DIDO1: variants seen among roughly 807,000 people sequenced by gnomAD.
DIDO1 encodes death-inducer obliterator 1.
A neutral mutation model predicts 99.4 loss-of-function variants in DIDO1; 16 were observed. The observed-to-expected ratio is 0.16, with a 90% CI of 0.11 to 0.24. The LOEUF (loss-of-function observed/expected upper bound fraction) is 0.24, where lower values mean the gene tolerates loss of function less well. DIDO1 is among the 10% of genes least tolerant of loss of function. DIDO1 has a pLI of 1.00. For synonymous variants in DIDO1, 1,366 were observed against 1,239.1 expected, an observed-to-expected ratio of 1.10 and a Z score of -2.15; for missense variants, 2,996 against 3,014.0, an observed-to-expected ratio of 0.99 and a Z score of 0.14.
Position 62,880,456 on chromosome 20 carries a change from G to C in DIDO1, c.5500C>G (p.Pro1834Ala). The change falls in exon 16 of 16, where the codon CCA (proline) becomes GCA (alanine). Residue 1834 changes from proline to alanine, a missense_variant. By Grantham distance (27) the Pro-to-Ala change is conservative. Coordinates refer to ENST00000395343, the MANE Select transcript of DIDO1 (RefSeq NM_001193369.2). ...RGPSPSYLGG[P>A]RGVAPSQFEE... ...AATTGGGATGGTGCCACTCCTCGTG[G>C]TCCACCAAGGTAAGAGGGTGAGGGG... The C allele has an allele frequency of 1.9e-6, 3 of 1,612,926 alleles. No homozygotes were observed. Among genetic ancestry groups the C allele is most frequent in the African/African-American group, 2.7e-5 (2 of 75,078 alleles).
intron 1 of DIDO1, among the ~76,000 whole-genome samples, chr20:62,919,850 G>A (rs2065103895): frequency 2.0e-5 from 3 of 152,186 alleles, no homozygotes; most frequent in South Asian, 2.1e-4. Context: ...GGCAACTCAG[G>A]TGGGAAATTT....
chr20:62,933,642 G>C lies in DIDO1; in HGVS notation c.-200+4154C>G, dbSNP rs147197230. 2.3e-3 allele frequency among the ~76,000 whole-genome samples: 355 copies of C among 152,304 alleles called. 1 individual carries two copies. Among genetic ancestry groups the C allele is most frequent in the African/African-American group, 8.3e-3 (343 of 41,554 alleles). The stretch of plus-strand genomic sequence containing the variant: ...CCCAGCACTCTGGGAGGCTGAGGCA[G>C]GAAGACTGCTTGCACGCAGAAGTTT... On this transcript the variant is annotated intron_variant, in intron 1 of 15. Transcript: ENST00000266070.
intron 3 of DIDO1, 67 bp from the exon 4 acceptor site, chr20:62,910,087 A>T (rs2064896327): frequency 6.7e-7 from 1 of 1,500,910 alleles, no homozygotes; most frequent in African/African-American, 1.4e-5. Flanking sequence ...ACACATTAAT[A>T]AGACAATTGG....
intron 13 of DIDO1, among the ~76,000 whole-genome samples, chr20:62,892,339 C>T (rs2064416246): frequency 6.6e-6 from 1 of 152,214 alleles, no homozygotes; most frequent in African/African-American, 2.4e-5. Context: ...TACGTACATA[C>T]ACAGAGAGTA....
intron 1 of DIDO1, among the ~76,000 whole-genome samples, chr20:62,937,517 G>A (rs939206481): frequency 6.6e-6 from 1 of 152,256 alleles, no homozygotes; most frequent in African/African-American, 2.4e-5. Flanking sequence ...CCTGAGGGCA[G>A]GGCCCTTCTG....
At chr20:62,891,631 T>TA (rs1237868814) in intron 14 of DIDO1, among the ~76,000 whole-genome samples, 1 of 151,926 alleles carries the variant, frequency 6.6e-6, no homozygotes, top group Non-Finnish European at 1.5e-5. Context: ...CCTTCAATCA[T>TA]AAAAAAACAA....
At chr20:62,914,746 C>T (rs1370963802) in intron 1 of DIDO1, among the ~76,000 whole-genome samples, 1 of 152,112 alleles carries the variant, frequency 6.6e-6, no homozygotes, top group African/African-American at 2.4e-5. Flanking sequence ...GAGCCTATGT[C>T]CGAGATGGAC....
At position 62,880,892 on chromosome 20, in the gene DIDO1, G is replaced by A. The variant is rs762555877; in HGVS notation, c.5064C>T (p.Phe1688=). 1.2e-6 allele frequency: 2 copies of A among 1,611,920 alleles called. No individual in the cohort carries two copies. The highest frequency in any genetic ancestry group is 3.3e-5 in the Admixed American group (2 of 60,022). Residue 1688 remains phenylalanine, a synonymous_variant, in exon 16 of 16, where the codon TTC becomes TTT. Coordinates refer to ENST00000395343, the MANE Select transcript of DIDO1 (RefSeq NM_001193369.2). Reference sequence around the variant, plus strand: ...AGCCGAGAGCCTTGTCCTGCGACGCGAACCCCGGGCAGGTGAAAGGGTCCC... The same window carrying A: ...AGCCGAGAGCCTTGTCCTGCGACGCAAACCCCGGGCAGGTGAAAGGGTCCC... ...GERDPFTCPG[F]ASQDKALGSA...
chr20:62,900,277 A>G (rs2064637826), intron 6 of DIDO1, among the ~76,000 whole-genome samples: 1 of 152,238 alleles, frequency 6.6e-6, no homozygotes, highest in African/African-American at 2.4e-5. Flanking sequence ...ACTGGCCCAG[A>G]TGAAACTGTT....
At chr20:62,897,038 C>T in intron 6 of DIDO1, 42 bp from the exon 7 acceptor site, 1 of 1,548,200 alleles carries the variant, frequency 6.5e-7, no homozygotes, top group Non-Finnish European at 8.7e-7. Context: ...GAGGACACCA[C>T]AGGGTGCTGT....
At chr20:62,888,156 C>G (rs982979943) in intron 15 of DIDO1, 1 of 985,510 alleles carries the variant, frequency 1.0e-6, no homozygotes, top group Non-Finnish European at 1.2e-6. Flanking sequence ...TAAGTGTGAA[C>G]AGCAAGCACT....
intron 5 of DIDO1, among the ~76,000 whole-genome samples, chr20:62,906,486 G>A (rs1476462046): frequency 6.6e-6 from 1 of 152,202 alleles, no homozygotes; most frequent in Non-Finnish European, 1.5e-5. Flanking sequence ...GCCTGCGCGC[G>A]AGGCTGTGCC....
At chr20:62,930,164 C>G (rs933180405), upstream of DIDO1, among the ~76,000 whole-genome samples, 3 of 152,010 alleles carry the variant, frequency 2.0e-5, no homozygotes, top group African/African-American at 7.2e-5. Context: ...CGCTTGAACC[C>G]GCTGCACTCC....
At chr20:62,927,035 G>T (rs1463732667), upstream of DIDO1, among the ~76,000 whole-genome samples, 1 of 142,894 alleles carries the variant, frequency 7.0e-6, no homozygotes, top group Non-Finnish European at 1.5e-5. Context: ...GGTGTGGGCG[G>T]GGTTTCTCTC....
chr20:62,895,940 G>T (rs1026191821), intron 8 of DIDO1, among the ~76,000 whole-genome samples: 38 of 152,214 alleles, frequency 2.5e-4, no homozygotes, highest in African/African-American at 8.9e-4. Flanking sequence ...CCAGTGAAGC[G>T]ACTGGCTTGT....
intron 6 of DIDO1, among the ~76,000 whole-genome samples, chr20:62,900,609 C>A (rs1337074556): frequency 6.6e-6 from 1 of 152,212 alleles, no homozygotes; most frequent in Admixed American, 6.5e-5. Flanking sequence ...TGTCCAGAGG[C>A]CCCCATGTAG....
intron 8 of DIDO1, 62 bp from the exon 9 acceptor site, chr20:62,895,227 T>G (rs2064492019): frequency 6.7e-7 from 1 of 1,484,704 alleles, no homozygotes; most frequent in Non-Finnish European, 9.3e-7. Context: ...TACAGAGAGC[T>G]TCTGGAAAAC....
Position 62,911,717 on chromosome 20 carries a change from G to A in DIDO1, c.-2-103C>T. The A allele has an allele frequency of 9.8e-7, 1 of 1,023,502 alleles. No individual in the cohort carries two copies. Among genetic ancestry groups the A allele is most frequent in the South Asian group, 1.8e-5 (1 of 55,754 alleles). The allele number at this position is 1,023,502 out of a possible 1,614,324, so 63.4% of individuals were successfully genotyped here. A position where few individuals can be genotyped will look rare whatever the true frequency, so the allele number is the denominator to read the frequency against. On this transcript the variant is annotated intron_variant, in intron 2 of 15. Coordinates refer to ENST00000395343, the MANE Select transcript of DIDO1 (RefSeq NM_001193369.2). The surrounding 1 kb of genome is among the most constrained non-coding windows in gnomAD (Gnocchi z 7.0). ...AGGGGCCACCTCCCTACAAACAGTGGAGCTCTACATAAAGCAAGTCCTTCT... is the reference window on the plus strand; with the variant it reads ...AGGGGCCACCTCCCTACAAACAGTGAAGCTCTACATAAAGCAAGTCCTTCT...
chr20:62,893,031 C>G, intron 12 of DIDO1, 69 bp from the exon 13 acceptor site: 3 of 1,470,934 alleles, frequency 2.0e-6, no homozygotes, highest in South Asian at 1.3e-5. Context: ...AAGTAGAAAG[C>G]CTTTTTTTTT....
Sources: allele counts gnomAD v4.1 joint callset (sites outside exome capture counted in the v4.1 genomes callset), GRCh38; gene constraint gnomAD v4.1.1; non-coding constraint Gnocchi (gnomAD v3.1); transcripts MANE v1.5; gene names NCBI Gene and HGNC (gene_info 2026-07-23, HGNC 2026-07-21).